KSR1: variants seen among roughly 807,000 people sequenced by gnomAD.
KSR1 encodes the protein kinase suppressor of ras 1.
In KSR1, 35 loss-of-function variants were observed where a neutral mutation model predicts 92.9. The observed-to-expected ratio is 0.38, with a 90% CI of 0.29 to 0.50. The LOEUF (loss-of-function observed/expected upper bound fraction) is 0.50, where lower values mean the gene tolerates loss of function less well. Ranked by LOEUF, KSR1 falls within the 20% of genes least tolerant of loss-of-function variation. The pLI is 0.94. For missense variants in KSR1, 972 were observed against 1,158.5 expected (o/e 0.84, Z 2.34); for synonymous variants, 467 against 472.6 (o/e 0.99, Z 0.15).
intron 1 of KSR1, among the ~76,000 whole-genome samples, chr17:27,465,974 G>T (rs547931700): frequency 2.6e-5 from 4 of 152,342 alleles, no homozygotes; most frequent in African/African-American, 9.6e-5. Context: ...CAGCCTTTCT[G>T]TATCTCACTG....
chr17:27,558,826 AGGGCTGCCCCCTGAGGCTTCCT>A (rs1227019826), intron 2 of KSR1, among the ~76,000 whole-genome samples: 1 of 151,946 alleles, frequency 6.6e-6, no homozygotes, highest in Non-Finnish European at 1.5e-5. Flanking sequence ...TGATCTGCCC[AGGGCTGCCCCCTGAGGCTTCCT>A]GGGGGAACTT....
At position 27,556,826 on chromosome 17, in the gene KSR1, G is replaced by A. The variant is rs117606979; in HGVS notation, c.372+6118G>A. Among the ~76,000 whole-genome samples the A allele has an allele frequency of 2.0e-3, 300 of 152,340 alleles. 8 individuals carry two copies. In the East Asian group the frequency reaches 0.05, roughly 25 times the overall value. On this transcript the variant is annotated intron_variant, in intron 2 of 20. Coordinates refer to ENST00000644974, the MANE Select transcript of KSR1 (RefSeq NM_001394583.1). ...CTCTAGGGTGCCCAGGCCTTCATGG[G>A]TTGGTGTGGCCTCTGCTATGTCCAG...
chr17:27,507,891 T>G (rs1019105403), intron 1 of KSR1, among the ~76,000 whole-genome samples: 1 of 152,170 alleles, frequency 6.6e-6, no homozygotes, highest in Non-Finnish European at 1.5e-5. Context: ...TGGCTTTTAA[T>G]ATGGCTACTA....
chr17:27,579,936 C>T (rs2072682017), intron 3 of KSR1: 1 of 124,616 alleles, frequency 8.0e-6, no homozygotes, highest in Non-Finnish European at 1.6e-5. Context: ...GTTGTCTGTG[C>T]TGGTGAATAG....
chr17:27,477,049 C>A (rs946414743), intron 1 of KSR1, among the ~76,000 whole-genome samples: 2 of 152,190 alleles, frequency 1.3e-5, no homozygotes, highest in Non-Finnish European at 2.9e-5. Flanking sequence ...ATTCATGCCT[C>A]ACCTTTTCAG....
intron 5 of KSR1, chr17:27,587,728 G>T (rs947598187): frequency 6.6e-6 from 1 of 152,328 alleles, no homozygotes; most frequent in Non-Finnish European, 1.5e-5. Flanking sequence ...CCAGCAGCTT[G>T]TCTACTGCAC....
intron 1 of KSR1, among the ~76,000 whole-genome samples, chr17:27,495,787 G>C (rs1414325715): frequency 6.6e-6 from 1 of 152,194 alleles, no homozygotes; most frequent in African/African-American, 2.4e-5. Context: ...CAGTTTACTT[G>C]TAGCTGTCAT....
At position 27,577,775 on chromosome 17, in the gene KSR1, G is replaced by C. The variant is rs1216258223; in HGVS notation, c.520+136G>C. The C allele has an allele frequency of 7.9e-6, 6 of 763,012 alleles. No individual in the cohort carries two copies. The highest frequency in any genetic ancestry group is 1.1e-5 in the Non-Finnish European group (5 of 441,034). 47.3% of individuals were successfully genotyped at this position (763,012 alleles called of 1,614,324 possible). On this transcript the variant is annotated intron_variant, in intron 3 of 20. Transcript: ENST00000644974. This position sits in a 1 kb window ranked among gnomAD's most constrained non-coding sequence, Gnocchi z 4.5. ...CAGCCTGGAAAGGCCAGGGTTGGAT[G>C]TTCACAGCCTCCTGAGAAGCTCTCC...
intron 1 of KSR1, among the ~76,000 whole-genome samples, chr17:27,543,774 G>A (rs1294951370): frequency 1.3e-5 from 2 of 152,210 alleles, no homozygotes; most frequent in African/African-American, 4.8e-5. Flanking sequence ...GAGGTTGGAG[G>A]TGAGCACTCA....
intron 11 of KSR1, among the ~76,000 whole-genome samples, chr17:27,603,093 A>C (rs1227695984): frequency 6.6e-6 from 1 of 152,208 alleles, no homozygotes; most frequent in Non-Finnish European, 1.5e-5. Flanking sequence ...TGGGGCCACC[A>C]ATCTCCCTGT....
chr17:27,462,889 C>T (rs1230604285), intron 1 of KSR1, among the ~76,000 whole-genome samples: 1 of 152,178 alleles, frequency 6.6e-6, no homozygotes, highest in Non-Finnish European at 1.5e-5. Context: ...TTGTAAATGT[C>T]TTCTGTCTGT....
chr17:27,620,111 C>T (rs924239203), intron 19 of KSR1, among the ~76,000 whole-genome samples: 1 of 152,242 alleles, frequency 6.6e-6, no homozygotes, highest in East Asian at 1.9e-4. Context: ...TGGTTCTTCA[C>T]TGATTCAGGC....
intron 2 of KSR1, among the ~76,000 whole-genome samples, chr17:27,563,279 A>C (rs2071910248): frequency 6.8e-6 from 1 of 147,676 alleles, no homozygotes. Context: ...TTTCCTTTCC[A>C]TTTTCCTTTT....
chr17:27,621,442 AG>A (rs2074221238), intron 20 of KSR1, among the ~76,000 whole-genome samples, 169 bp downstream of exon 20: 3 of 152,274 alleles, frequency 2.0e-5, no homozygotes, highest in Admixed American at 1.3e-4. Flanking sequence ...AGGGTCACAC[AG>A]GCTTGCATTT....
intron 14 of KSR1, 122 bp downstream of exon 14, chr17:27,605,935 C>G: frequency 8.0e-7 from 1 of 1,246,402 alleles, no homozygotes; most frequent in Middle Eastern, 2.0e-4. Flanking sequence ...AAGAAGAAAA[C>G]CAAAAATGGG....
intron 1 of KSR1, among the ~76,000 whole-genome samples, chr17:27,464,940 TA>T (rs111417449): frequency 3.1e-3 from 411 of 134,014 alleles, no homozygotes; most frequent in Middle Eastern, 3.6e-3. Flanking sequence ...CTGATGAGCT[TA>T]AAAAAAAAAA....
Position 27,577,808 on chromosome 17 carries a change from C to G in KSR1, c.520+169C>G. On this transcript the variant is annotated intron_variant, in intron 3 of 20. Transcript: ENST00000644974. The surrounding 1 kb of genome is among the most constrained non-coding windows in gnomAD (Gnocchi z 4.5). ...CCTCCTGAGAAGCTCTCCCAGGGTC[C>G]TCAGGGCTCTGGATCCTGGTGGGTC... The G allele has an allele frequency of 1.4e-6, 1 of 711,726 alleles. No individual in the cohort carries two copies. Among genetic ancestry groups the G allele is most frequent in the Non-Finnish European group, 2.5e-6 (1 of 394,434 alleles). 44.1% of individuals were successfully genotyped at this position (711,726 alleles called of 1,614,324 possible).
intron 8 of KSR1, 41 bp downstream of exon 8, chr17:27,592,463 G>A: frequency 6.2e-7 from 1 of 1,613,450 alleles, no homozygotes; most frequent in African/African-American, 1.3e-5. Flanking sequence ...TCTGGATTTG[G>A]GTGAATCTTT....
intron 1 of KSR1, among the ~76,000 whole-genome samples, chr17:27,549,446 C>G (rs532737433): frequency 6.6e-6 from 1 of 152,332 alleles, no homozygotes; most frequent in Admixed American, 6.5e-5. Flanking sequence ...GGGCCATGCC[C>G]TCCTTGTGCT....
Sources: gnomAD v4.1 joint callset for allele counts (sites outside exome capture counted in the v4.1 genomes callset) on GRCh38, gnomAD v4.1.1 for gene constraint, Gnocchi (gnomAD v3.1) non-coding constraint, MANE v1.5 for transcripts, NCBI Gene and HGNC (gene_info 2026-07-23, HGNC 2026-07-21) for gene names.